Variants in IMPG2 observed in about 807,000 individuals in gnomAD.
IMPG2 encodes interphotoreceptor matrix proteoglycan 2.
In IMPG2, 91 loss-of-function variants were observed where a neutral mutation model predicts 129.2. The observed-to-expected ratio is 0.70, with a 90% CI of 0.59 to 0.84. The LOEUF is 0.84. Ranked by LOEUF, IMPG2 falls within the 40% of genes least tolerant of loss-of-function variation. IMPG2 has a pLI of 0.00. For synonymous variants in IMPG2, 510 were observed against 517.7 expected, an observed-to-expected ratio of 0.99 and a Z score of 0.20; for missense variants, 1,430 against 1,461.7, an observed-to-expected ratio of 0.98 and a Z score of 0.35.
intron 11 of IMPG2, 34 bp from the exon 12 acceptor site, chr3:101,246,139 A>G: frequency 6.2e-7 from 1 of 1,603,422 alleles, no homozygotes; most frequent in Non-Finnish European, 8.5e-7. Flanking sequence ...CATATCATAG[A>G]TAAAAGAAAC....
intron 2 of IMPG2, among the ~76,000 whole-genome samples, chr3:101,305,508 T>C (rs1205711776): frequency 6.6e-6 from 1 of 152,160 alleles, no homozygotes; most frequent in Non-Finnish European, 1.5e-5. Context: ...GTGTCAATAT[T>C]GGCACATAAA....
intron 3 of IMPG2, among the ~76,000 whole-genome samples, chr3:101,294,861 T>G (rs1707061097): frequency 6.6e-6 from 1 of 152,218 alleles, no homozygotes; most frequent in South Asian, 2.1e-4. Flanking sequence ...GAGCTTTTTT[T>G]CATATGTTTG....
intron 2 of IMPG2, among the ~76,000 whole-genome samples, chr3:101,305,622 T>C (rs375140231): frequency 6.6e-6 from 1 of 152,144 alleles, no homozygotes; most frequent in African/African-American, 2.4e-5. Flanking sequence ...TGCTCAATTT[T>C]TCTGTAAACC....
At chr3:101,307,798 C>G (rs1212468332) in intron 2 of IMPG2, among the ~76,000 whole-genome samples, 1 of 152,202 alleles carries the variant, frequency 6.6e-6, no homozygotes, top group African/African-American at 2.4e-5. Context: ...TTCCAACAGT[C>G]TCCCAAAGTC....
intron 3 of IMPG2, among the ~76,000 whole-genome samples, chr3:101,301,943 C>T (rs1042400984): frequency 3.9e-5 from 6 of 152,138 alleles, no homozygotes; most frequent in South Asian, 2.1e-4. Flanking sequence ...TGGTTTCCTG[C>T]GATCTACAGA....
chr3:101,232,865 C>G lies in IMPG2; in HGVS notation c.3149G>C (p.Cys1050Ser). The G allele has an allele frequency of 6.2e-7, 1 of 1,613,842 alleles. No homozygotes were observed. Among genetic ancestry groups the G allele is most frequent in the Non-Finnish European group, 8.5e-7 (1 of 1,179,974 alleles). ...PGYLSVEERPCQSLCDLQPDF... is the reference protein window; with the variant it reads ...PGYLSVEERPSQSLCDLQPDF... The stretch of plus-strand genomic sequence containing the variant: ...AGGCTGTAGGTCACAGAGACTCTGA[C>G]AGGGCCGTTCTTCCACACTCAGGTA... The change falls in exon 15 of 19, where the codon TGT becomes TCT. Residue 1050 changes from cysteine (C) to serine (S), a missense_variant. Transcript: ENST00000193391.
In IMPG2 at chr3:101,244,061, T is replaced by TC. The variant is rs746117535; in HGVS notation, c.2269dup (p.Glu757GlyfsTer4). 6.2e-7 allele frequency: 1 copy of TC among 1,614,010 alleles called. No homozygotes were observed. Among genetic ancestry groups the TC allele is most frequent in the Admixed American group, 1.7e-5 (1 of 60,026 alleles). ...CATTGAAACCTCACTGTCAAACCATTCATAGTTGGATGACTCAGTAATTTG... is the reference window on the plus strand; with the variant it reads ...CATTGAAACCTCACTGTCAAACCATTCCATAGTTGGATGACTCAGTAATTTG... On this transcript the variant is annotated frameshift_variant, in exon 13 of 19. Transcript: ENST00000193391. LOFTEE classifies it high-confidence loss of function.
rs548500521 is a variant in IMPG2, at chr3:101,258,103, C to T, written c.909-330G>A. On this transcript the variant is annotated intron_variant, in intron 9 of 18. Coordinates refer to ENST00000193391, the MANE Select transcript of IMPG2 (RefSeq NM_016247.4). The stretch of plus-strand genomic sequence containing the variant: ...GTCCTCCCTCTTCACTATGAGCCTA[C>T]TTCCTTCTTTTCCTATTAGCATTTT... Among the ~76,000 whole-genome samples the T allele has an allele frequency of 1.1e-4, 16 of 152,184 alleles. No individual in the cohort carries two copies. In the South Asian group the frequency reaches 3.1e-3, roughly 30 times the overall value.
chr3:101,231,093 C>A lies in IMPG2; in HGVS notation c.3286G>T (p.Val1096Leu). Residue 1096 changes from valine (V) to leucine (L), a missense_variant, in exon 16 of 19, where the codon GTG becomes TTG. Coordinates refer to ENST00000193391, the MANE Select transcript of IMPG2 (RefSeq NM_016247.4). Reference protein sequence around the residue: ...WYRGKHCEEFVSEPVIIGITI... With the variant: ...WYRGKHCEEFLSEPVIIGITI... ...ATGCCTATGATCACGGGCTCAGACA[C>A]AAATTCCTCACAGTGCTTGCCTCGG... 1 of 1,614,166 alleles carries A rather than the reference C, an allele frequency of 6.2e-7. No homozygotes were observed. Among genetic ancestry groups the A allele is most frequent in the Non-Finnish European group, 8.5e-7 (1 of 1,180,016 alleles).
intron 10 of IMPG2, among the ~76,000 whole-genome samples, chr3:101,256,934 T>C (rs927511918): frequency 2.0e-5 from 3 of 152,122 alleles, no homozygotes; most frequent in Admixed American, 2.0e-4. Flanking sequence ...CCAGGTTGAC[T>C]GGGCACCCTG....
intron 3 of IMPG2, among the ~76,000 whole-genome samples, chr3:101,297,379 A>AT (rs934710116): frequency 8.1e-5 from 12 of 147,826 alleles, no homozygotes; most frequent in African/African-American, 1.5e-4. Flanking sequence ...TTTTTGGAGG[A>AT]TTTTTTGTGT....
At chr3:101,289,643 G>A (rs1223319214) in intron 4 of IMPG2, among the ~76,000 whole-genome samples, 2 of 152,088 alleles carry the variant, frequency 1.3e-5, no homozygotes, top group Non-Finnish European at 1.5e-5. Flanking sequence ...TAACTGTGAA[G>A]AGCCTTGCGG....
chr3:101,253,701 T>A lies in IMPG2; in HGVS notation c.1234A>T (p.Ile412Phe), dbSNP rs755284505. The A allele has an allele frequency of 1.9e-6, 3 of 1,609,606 alleles. No homozygotes were observed. Among genetic ancestry groups the A allele is most frequent in the Non-Finnish European group, 1.7e-6 (2 of 1,176,986 alleles). The change falls in exon 11 of 19, where the codon ATT becomes TTT. Residue 412 changes from isoleucine (I) to phenylalanine (F), a missense_variant. Ile to Phe is a conservative substitution (Grantham distance 21, BLOSUM62 0). Transcript: ENST00000193391. ...CATAAAACATAAAAACATACCAGAA[T>A]AGATGACGGCGTTGCCTGAAGACTT... ...SSSLQATPSS[I>F]LDNTFQAAWP...
intron 7 of IMPG2, among the ~76,000 whole-genome samples, chr3:101,270,555 A>G (rs369200432): frequency 6.6e-6 from 1 of 152,076 alleles, no homozygotes; most frequent in East Asian, 1.9e-4. Context: ...AGATGTAAAA[A>G]TAATCAGGTT....
chr3:101,256,586 T>TACAC lies in IMPG2; in HGVS notation c.1153+939_1153+942dup, dbSNP rs565142611. Among the ~76,000 whole-genome samples the TACAC allele has an allele frequency of 9.2e-5, 14 of 152,028 alleles. No homozygotes were observed. In the South Asian group the frequency reaches 2.7e-3, roughly 29 times the overall value. On this transcript the variant is annotated intron_variant, in intron 10 of 18. Transcript: ENST00000193391. Reference sequence around the variant, plus strand: ...TCTCTATTTTTGTTTATTTATTTGTTACACACACACACAGAGAACTAGGTA... The same window carrying TACAC: ...TCTCTATTTTTGTTTATTTATTTGTTACACACACACACACACAGAGAACTAGGTA...
chr3:101,312,025 CA>C (rs34507668), intron 2 of IMPG2, among the ~76,000 whole-genome samples: 19,437 of 151,000 alleles, frequency 0.13, 1,298 homozygotes, highest in Middle Eastern at 0.17. Context: ...ACATCATATA[CA>C]AAAAAAAATC....
chr3:101,278,833 T>C (rs1018613442), intron 4 of IMPG2, among the ~76,000 whole-genome samples: 6 of 152,216 alleles, frequency 3.9e-5, no homozygotes, highest in African/African-American at 1.4e-4. Context: ...ATAAAATTGC[T>C]TATTAAGTTT....
intron 11 of IMPG2, among the ~76,000 whole-genome samples, chr3:101,250,610 C>T (rs533303284): frequency 1.3e-5 from 2 of 152,270 alleles, no homozygotes; most frequent in Admixed American, 6.5e-5. Flanking sequence ...TTTCTCAGTG[C>T]CAGTGCTTTT....
At position 101,257,577 on chromosome 3, in the gene IMPG2, C is replaced by G; in HGVS notation, c.1105G>C (p.Gly369Arg). The change falls in exon 10 of 19, where the codon GGG becomes CGG. Residue 369 changes from glycine to arginine, a missense_variant. Transcript: ENST00000193391. The part of the protein sequence containing the change: ...AETLQQNFLL[G>R]NSSLNPDPDS... ...GGATCTGGATTCAAGGAAGAGTTCC[C>G]CAGCAAAAAATTCTGCTGCAATGTC... 1 of 1,613,256 alleles carries G rather than the reference C, an allele frequency of 6.2e-7. No individual in the cohort carries two copies. The highest frequency in any genetic ancestry group is 8.5e-7 in the Non-Finnish European group (1 of 1,179,494).
Sources: gnomAD v4.1 joint callset for allele counts (sites outside exome capture counted in the v4.1 genomes callset) on GRCh38, gnomAD v4.1.1 for gene constraint, MANE v1.5 for transcripts, NCBI Gene and HGNC (gene_info 2026-07-23, HGNC 2026-07-21) for gene names.